The following PHTF2 variants were observed in gnomAD, a reference collection of about 807,000 sequenced individuals.
PHTF2 encodes protein PHTF2.
A neutral mutation model predicts 101.2 loss-of-function variants in PHTF2; 60 were observed. The observed-to-expected ratio is 0.59, with a 90% CI of 0.48 to 0.73. The LOEUF is 0.73. PHTF2 is among the 30% of genes least tolerant of loss of function. The pLI is 0.00. For synonymous variants in PHTF2, 311 were observed against 307.3 expected (o/e 1.01, Z -0.13); for missense variants, 747 against 908.7 (o/e 0.82, Z 2.29).
chr7:77,915,971 T>TTGTG (rs1326436924), intron 9 of PHTF2, among the ~76,000 whole-genome samples: 6 of 119,360 alleles, frequency 5.0e-5, no homozygotes, highest in South Asian at 2.8e-4. Flanking sequence ...GAAGGTAGAT[T>TTGTG]TGTGTGTCTG....
At position 77,897,784 on chromosome 7, in the gene PHTF2, G is replaced by A. The variant is rs57358460; in HGVS notation, c.217-2927G>A. 4.9e-3 allele frequency among the ~76,000 whole-genome samples: 741 copies of A among 152,132 alleles called. 4 individuals are homozygous for A. Among genetic ancestry groups the A allele is most frequent in the African/African-American group, 0.017 (704 of 41,512 alleles). ...CATCCTCTGCCTCCCAGGTTCAAGC[G>A]ATTCTCCTGCCTCAGCCTCCCAAGT... On this transcript the variant is annotated intron_variant, in intron 5 of 19. Coordinates refer to ENST00000416283, the Ensembl canonical transcript of PHTF2.
At chr7:77,816,510 G>T (rs949727755) in intron 1 of PHTF2, among the ~76,000 whole-genome samples, 5 of 152,064 alleles carry the variant, frequency 3.3e-5, no homozygotes, top group African/African-American at 9.7e-5. Flanking sequence ...ATATTTGAGG[G>T]GTACATAATG....
At chr7:77,951,782 A>G (rs1806570317) in intron 18 of PHTF2, 70 bp downstream of exon 17, 1 of 687,462 alleles carries the variant, frequency 1.5e-6, no homozygotes. Flanking sequence ...TTTTTTGTTT[A>G]TAGATATTAC....
chr7:77,873,239 T>G (rs1798665763), intron 3 of PHTF2, among the ~76,000 whole-genome samples: 1 of 152,190 alleles, frequency 6.6e-6, no homozygotes, highest in African/African-American at 2.4e-5. Context: ...GAACCTTTTT[T>G]AACTCCCGGA....
At chr7:77,809,156 T>C (rs1440844449) in intron 1 of PHTF2, among the ~76,000 whole-genome samples, 1 of 151,922 alleles carries the variant, frequency 6.6e-6, no homozygotes, top group East Asian at 1.9e-4. Context: ...TTGAAAGAAA[T>C]GTAGGCATGT....
chr7:77,929,032 T>C (rs919489835), intron 11 of PHTF2, 77 bp from the exon 11 acceptor site: 43 of 1,030,452 alleles, frequency 4.2e-5, no homozygotes, highest in Non-Finnish European at 5.7e-5. Flanking sequence ...AGTATCAATA[T>C]ATGGGTTCTG....
intron 16 of PHTF2, among the ~76,000 whole-genome samples, chr7:77,948,322 A>G (rs1806259582): frequency 6.6e-6 from 1 of 152,184 alleles, no homozygotes; most frequent in African/African-American, 2.4e-5. Context: ...ATGGCATTAT[A>G]TATCAATGTG....
chr7:77,915,646 C>T (rs1046362303), intron 9 of PHTF2, among the ~76,000 whole-genome samples: 1 of 152,126 alleles, frequency 6.6e-6, no homozygotes, highest in Non-Finnish European at 1.5e-5. Flanking sequence ...TTCTTCATAA[C>T]ACTGCAGTCA....
At chr7:77,931,858 A>G (rs1804600491) in intron 12 of PHTF2, among the ~76,000 whole-genome samples, 1 of 152,254 alleles carries the variant, frequency 6.6e-6, no homozygotes, top group South Asian at 2.1e-4. Flanking sequence ...GGCTGCATGT[A>G]TCAACATGAA....
At chr7:77,838,582 G>A (rs938856731) in intron 1 of PHTF2, among the ~76,000 whole-genome samples, 6 of 152,126 alleles carry the variant, frequency 3.9e-5, no homozygotes, top group African/African-American at 1.4e-4. Flanking sequence ...GTCCTGGACT[G>A]TGGCAGGCAT....
chr7:77,813,724 G>A (rs1793625431), intron 1 of PHTF2, among the ~76,000 whole-genome samples: 1 of 152,226 alleles, frequency 6.6e-6, no homozygotes, highest in Non-Finnish European at 1.5e-5. Context: ...TGTTTATTAA[G>A]TACTTTTCTC....
intron 1 of PHTF2, among the ~76,000 whole-genome samples, chr7:77,809,069 T>A (rs1459905965): frequency 6.6e-6 from 1 of 152,102 alleles, no homozygotes; most frequent in East Asian, 1.9e-4. Flanking sequence ...GTGTTTAGGG[T>A]GCATAAGCAT....
chr7:77,884,028 T>C (rs998419412), intron 3 of PHTF2, among the ~76,000 whole-genome samples: 1 of 152,208 alleles, frequency 6.6e-6, no homozygotes, highest in Non-Finnish European at 1.5e-5. Context: ...AGAGGTCAAG[T>C]ACCTTGTCCA....
chr7:77,927,193 TATAC>T (rs1212497476), intron 11 of PHTF2, among the ~76,000 whole-genome samples: 12 of 93,532 alleles, frequency 1.3e-4, no homozygotes, highest in Middle Eastern at 6.3e-3. Context: ...TATATATATA[TATAC>T]ATACACACAC....
At chr7:77,839,543 A>G (rs550214386) in intron 1 of PHTF2, among the ~76,000 whole-genome samples, 3 of 152,298 alleles carry the variant, frequency 2.0e-5, no homozygotes, top group East Asian at 1.9e-4. Context: ...ATTTTTTTCA[A>G]TAAAATAAAC....
chr7:77,891,839 ACCTC>A (rs968797212), intron 3 of PHTF2, among the ~76,000 whole-genome samples: 2 of 151,548 alleles, frequency 1.3e-5, no homozygotes, highest in Admixed American at 1.3e-4. Flanking sequence ...TCCCACCTCA[ACCTC>A]CCAAAGTACT....
At chr7:77,947,541 C>T (rs757715792) in intron 16 of PHTF2, among the ~76,000 whole-genome samples, 3 of 151,364 alleles carry the variant, frequency 2.0e-5, no homozygotes, top group African/African-American at 4.9e-5. Context: ...CCAGCCTGGG[C>T]GACAGAGTGA....
chr7:77,899,337 G>A (rs1801169538), intron 5 of PHTF2, among the ~76,000 whole-genome samples: 1 of 151,938 alleles, frequency 6.6e-6, no homozygotes, highest in Non-Finnish European at 1.5e-5. Flanking sequence ...CTGAGAACAT[G>A]CACGTTGGGT....
At chr7:77,827,528 A>G (rs1794774192) in intron 1 of PHTF2, among the ~76,000 whole-genome samples, 1 of 151,564 alleles carries the variant, frequency 6.6e-6, no homozygotes, top group South Asian at 2.1e-4. Context: ...TAGTTTTTGT[A>G]TTTTTAGTAG....
Sources: allele counts gnomAD v4.1 joint callset (sites outside exome capture counted in the v4.1 genomes callset), GRCh38; gene constraint gnomAD v4.1.1; transcripts MANE v1.5; gene names NCBI Gene and HGNC (gene_info 2026-07-23, HGNC 2026-07-21).